The following PHC2 variants were observed in gnomAD, a reference collection of about 807,000 sequenced individuals.
The protein encoded by PHC2 is polyhomeotic homolog 2.
In PHC2, 29 loss-of-function variants were observed where a neutral mutation model predicts 87.4. The observed-to-expected ratio is 0.33, with a 90% CI of 0.25 to 0.45. The LOEUF is 0.45. PHC2 is among the 20% of genes least tolerant of loss of function. PHC2 has a pLI of 1.00. For synonymous variants in PHC2, 438 were observed against 461.7 expected (o/e 0.95, Z 0.66); for missense variants, 857 against 1,136.7 (o/e 0.75, Z 3.54).
intron 1 of PHC2, among the ~76,000 whole-genome samples, chr1:33,395,866 C>G (rs1173363326): frequency 6.6e-6 from 1 of 152,174 alleles, no homozygotes; most frequent in African/African-American, 2.4e-5. Context: ...CACCTCTCCC[C>G]TCTCCTCCAA....
intron 1 of PHC2, among the ~76,000 whole-genome samples, chr1:33,395,642 G>T (rs1649263741): frequency 6.6e-6 from 1 of 152,146 alleles, no homozygotes; most frequent in Admixed American, 6.5e-5. Context: ...AATGTTAATT[G>T]TAGAATCTGG....
chr1:33,335,150 A>G (rs1440282799), intron 9 of PHC2: 1 of 981,094 alleles, frequency 1.0e-6, no homozygotes, highest in Non-Finnish European at 1.2e-6. Context: ...GTGCTCCAGA[A>G]AGTGAGATTA....
chr1:33,429,590 CT>C (rs2148414281), intron 1 of PHC2, among the ~76,000 whole-genome samples: 1 of 152,294 alleles, frequency 6.6e-6, no homozygotes, highest in East Asian at 1.9e-4. Context: ...TTCCAAAGCC[CT>C]TTGCATTCAC....
chr1:33,329,210 AAGG>A, intron 13 of PHC2, 64 bp from the exon 14 acceptor site: 1 of 1,538,648 alleles, frequency 6.5e-7, no homozygotes, highest in Non-Finnish European at 8.8e-7. Context: ...GTGATGAACA[AAGG>A]AGGTATTTCT....
intron 14 of PHC2, chr1:33,325,517 C>A: frequency 5.0e-6 from 1 of 198,628 alleles, no homozygotes; most frequent in Non-Finnish European, 1.1e-5. Flanking sequence ...TGGCTCCAGA[C>A]CTCAGACACT....
In PHC2 at chr1:33,367,321, G is replaced by T. The variant is rs758817291; in HGVS notation, c.771C>A (p.Gly257=). ...CTGGGGTAGGCAGAGGCTGGCTACCGCCCGGCGTGGGTTTCAGGGCCAAGC... is the reference window on the plus strand; with the variant it reads ...CTGGGGTAGGCAGAGGCTGGCTACCTCCCGGCGTGGGTTTCAGGGCCAAGC... ...LPSLALKPTP[G]GSQPLPTPAQ... Residue 257 remains glycine (G), a synonymous_variant, in exon 7 of 15, where the codon GGC becomes GGA. Coordinates refer to ENST00000683057, the MANE Select transcript of PHC2 (RefSeq NM_001385109.1). 6.2e-7 allele frequency: 1 copy of T among 1,613,002 alleles called. No homozygotes were observed. The highest frequency in any genetic ancestry group is 8.5e-7 in the Non-Finnish European group (1 of 1,179,252).
chr1:33,384,699 T>C (rs1450415439), intron 1 of PHC2, among the ~76,000 whole-genome samples: 2 of 152,240 alleles, frequency 1.3e-5, no homozygotes, highest in Non-Finnish European at 2.9e-5. Flanking sequence ...AGTTCAGCTA[T>C]AACGTCTGTT....
chr1:33,350,319 G>A (rs962049160), intron 9 of PHC2: 7 of 152,412 alleles, frequency 4.6e-5, no homozygotes, highest in Admixed American at 3.3e-4. Context: ...TGGGAACCGA[G>A]GATCAGAGGG....
Position 33,330,061 on chromosome 1 carries a change from C to T in PHC2, c.2148+10G>A, listed in dbSNP as rs151071374. 30,743 of 1,612,404 alleles carry T rather than the reference C, an allele frequency of 0.019. 381 individuals carry two copies. The highest frequency in any genetic ancestry group is 0.022 in the Non-Finnish European group (25,820 of 1,179,484). Reference sequence around the variant, plus strand: ...TGGGGATGGAGCTTCAGGCTCTGCCCGCCTCTTACCTGCTTCTTGGTATCC... The same window carrying T: ...TGGGGATGGAGCTTCAGGCTCTGCCTGCCTCTTACCTGCTTCTTGGTATCC... On this transcript the variant is annotated intron_variant, in intron 13 of 14. Transcript: ENST00000683057.
intron 2 of PHC2, among the ~76,000 whole-genome samples, chr1:33,373,285 T>C (rs537820051): frequency 6.6e-6 from 1 of 151,864 alleles, no homozygotes; most frequent in African/African-American, 2.4e-5. Flanking sequence ...ACCTGGCTAA[T>C]TTTTTTTGTA....
At chr1:33,420,988 G>T (rs1650413452) in intron 1 of PHC2, among the ~76,000 whole-genome samples, 1 of 152,096 alleles carries the variant, frequency 6.6e-6, no homozygotes, top group East Asian at 1.9e-4. Context: ...GTAGCTGTGA[G>T]GATTAAATAA....
intron 9 of PHC2, among the ~76,000 whole-genome samples, chr1:33,352,802 C>T (rs1043114442): frequency 6.6e-6 from 1 of 152,136 alleles, no homozygotes; most frequent in African/African-American, 2.4e-5. Context: ...GGAAGGTGAG[C>T]GAGTGACTAC....
intron 1 of PHC2, among the ~76,000 whole-genome samples, chr1:33,391,597 C>A (rs1204694653): frequency 4.0e-5 from 6 of 151,850 alleles, no homozygotes; most frequent in Admixed American, 3.3e-4. Context: ...ATATTTTTTA[C>A]CACTCCTACA....
chr1:33,389,192 C>T (rs1048379592), intron 1 of PHC2, among the ~76,000 whole-genome samples: 3 of 151,910 alleles, frequency 2.0e-5, no homozygotes, highest in Non-Finnish European at 4.4e-5. Context: ...GTGGGGGGTG[C>T]GAAAGAGACG....
chr1:33,372,230 C>CT, intron 3 of PHC2, 59 bp downstream of exon 3: 1 of 1,470,404 alleles, frequency 6.8e-7, no homozygotes. Context: ...CTTCCTCTCC[C>CT]TTTTGCTTCC....
chr1:33,331,669 T>G lies in PHC2; in HGVS notation c.1892-207A>C, dbSNP rs919845486. 2.2e-6 allele frequency: 1 copy of G among 463,828 alleles called. No individual in the cohort carries two copies. Among genetic ancestry groups the G allele is most frequent in the Non-Finnish European group, 3.8e-6 (1 of 262,538 alleles). 28.7% of individuals were successfully genotyped at this position (463,828 alleles called of 1,614,324 possible). A position where few individuals can be genotyped will look rare whatever the true frequency, so the allele number is the denominator to read the frequency against. ...GTGTCTGGGGATGCCCCTTGTAGAC[T>G]TGACATTTTTTTCTTCCACGTGGTC... On this transcript the variant is annotated intron_variant, in intron 11 of 14. Transcript: ENST00000683057. The surrounding 1 kb of genome is among the most constrained non-coding windows in gnomAD (Gnocchi z 5.2).
At chr1:33,335,285 C>T (rs991685984) in intron 9 of PHC2, 6 of 985,268 alleles carry the variant, frequency 6.1e-6, no homozygotes, top group Non-Finnish European at 7.2e-6. Flanking sequence ...AACTCTCTCC[C>T]GCCCCCTTCC....
rs901955054 is a variant in PHC2 at position 33,331,186 on chromosome 1, C to T, written c.2006+162G>A. 3.9e-5 allele frequency among the ~76,000 whole-genome samples: 6 copies of T among 152,130 alleles called. No homozygotes were observed. Among genetic ancestry groups the T allele is most frequent in the Non-Finnish European group, 7.4e-5 (5 of 68,026 alleles). ...CCTGCTCTTAGGGGTTCTGGCTTCTCGTGCTTGTTGAATTAGGGATGCCAT... is the reference window on the plus strand; with the variant it reads ...CCTGCTCTTAGGGGTTCTGGCTTCTTGTGCTTGTTGAATTAGGGATGCCAT... On this transcript the variant is annotated intron_variant, in intron 12 of 14. Transcript: ENST00000683057. The surrounding 1 kb of genome is among the most constrained non-coding windows in gnomAD (Gnocchi z 5.2).
At chr1:33,379,527 G>A (rs77359377) in intron 1 of PHC2, among the ~76,000 whole-genome samples, 1,291 of 109,812 alleles carry the variant, frequency 0.012, 29 homozygotes, top group African/African-American at 0.045. Context: ...TGTCTTTTCT[G>A]TGTCAGTAGT....
Sources: gnomAD v4.1 joint callset for allele counts (sites outside exome capture counted in the v4.1 genomes callset) on GRCh38, gnomAD v4.1.1 for gene constraint, Gnocchi (gnomAD v3.1) non-coding constraint, MANE v1.5 for transcripts, NCBI Gene and HGNC (gene_info 2026-07-23, HGNC 2026-07-21) for gene names.